Variants in CAPZA2 observed in about 807,000 individuals in gnomAD.
The protein encoded by CAPZA2 is capping actin protein of muscle Z-line subunit alpha 2, also known as F-actin-capping protein subunit alpha-2.
In CAPZA2, 13 loss-of-function variants were observed where a neutral mutation model predicts 44.0. The ratio of observed to expected loss-of-function variants is 0.30; its 90% CI spans 0.19 to 0.47. CAPZA2 has a LOEUF of 0.47. Ranked by LOEUF, CAPZA2 falls within the 20% of genes least tolerant of loss-of-function variation. The pLI, the probability that CAPZA2 is intolerant of heterozygous loss-of-function variation, is 1.00. For synonymous variants in CAPZA2, 94 were observed against 108.2 expected (o/e 0.87, Z 0.81); for missense variants, 244 against 338.6 (o/e 0.72, Z 2.19).
chr7:116,906,271 CA>C lies in CAPZA2; in HGVS notation c.442del (p.Ile148Ter). 2 of 1,611,532 alleles carry C rather than the reference CA, an allele frequency of 1.2e-6. No individual in the cohort carries two copies. On this transcript the variant is annotated frameshift_variant, in exon 6 of 10. Coordinates refer to ENST00000361183, the MANE Select transcript of CAPZA2 (RefSeq NM_006136.3). LOFTEE classifies it high-confidence loss of function. ...YPNGVCTVYG[K>X]KIDGQQTIIA... is the part of the protein sequence containing the mutation. ...TTTTCTTTGCCAATAAGGTGTATGG[CA>C]AAAAAATAGATGGACAGCAAACCAT...
At chr7:116,866,447 A>T (rs918000701) in intron 1 of CAPZA2, among the ~76,000 whole-genome samples, 2 of 152,240 alleles carry the variant, frequency 1.3e-5, no homozygotes. Context: ...CTGGGATTAC[A>T]GGCGTGAGCC....
At chr7:116,884,001 A>G (rs1796731280) in intron 1 of CAPZA2, among the ~76,000 whole-genome samples, 1 of 152,190 alleles carries the variant, frequency 6.6e-6, no homozygotes, top group Non-Finnish European at 1.5e-5. Context: ...GATAGTGATC[A>G]AGACTTCAGT....
chr7:116,912,936 A>G (rs138615430), intron 8 of CAPZA2, among the ~76,000 whole-genome samples: 4 of 152,272 alleles, frequency 2.6e-5, no homozygotes, highest in African/African-American at 7.2e-5. Flanking sequence ...GTTTTTCTGT[A>G]TCTTTTTCCA....
At chr7:116,870,830 G>A (rs539299441) in intron 1 of CAPZA2, among the ~76,000 whole-genome samples, 24 of 152,236 alleles carry the variant, frequency 1.6e-4, no homozygotes, top group Non-Finnish European at 3.4e-4. Flanking sequence ...GGGGAAAGGC[G>A]TGAGTCAGAG....
At chr7:116,886,660 ATGT>A (rs1354051052) in intron 1 of CAPZA2, among the ~76,000 whole-genome samples, 1 of 152,182 alleles carries the variant, frequency 6.6e-6, no homozygotes, top group Admixed American at 6.5e-5. Flanking sequence ...TCACCTGGAG[ATGT>A]TGTTTAAATG....
At chr7:116,899,004 C>T (rs1303699035) in intron 4 of CAPZA2, among the ~76,000 whole-genome samples, 169 bp downstream of exon 4, 1 of 151,978 alleles carries the variant, frequency 6.6e-6, no homozygotes, top group Non-Finnish European at 1.5e-5. Context: ...ACCAGTAATA[C>T]TATTAGCAGA....
At position 116,917,765 on chromosome 7, in the gene CAPZA2, T is replaced by C. The variant is rs772075206; in HGVS notation, c.759T>C (p.Thr253=). The C allele has an allele frequency of 6.2e-7, 1 of 1,607,956 alleles. No homozygotes were observed. Among genetic ancestry groups the C allele is most frequent in the South Asian group, 1.1e-5 (1 of 90,938 alleles). ...AGAATTATCAGACAATGTCGGACAC[T>C]ACTTTCAAAGCCTTACGTCGACAGT... ...ISENYQTMSD[T]TFKALRRQLP... Residue 253 remains threonine (T), a synonymous_variant, in exon 10 of 10, where the codon ACT becomes ACC. Coordinates refer to ENST00000361183, the MANE Select transcript of CAPZA2 (RefSeq NM_006136.3).
chr7:116,882,261 T>A (rs12533755), intron 1 of CAPZA2, among the ~76,000 whole-genome samples: 42,657 of 152,034 alleles, frequency 0.28, 6,238 homozygotes, highest in East Asian at 0.4. Flanking sequence ...TTTTGCTTGC[T>A]AGAATTACTG....
chr7:116,896,737 A>G (rs1479512477), intron 3 of CAPZA2, among the ~76,000 whole-genome samples: 2 of 152,176 alleles, frequency 1.3e-5, no homozygotes, highest in East Asian at 3.8e-4. Context: ...CGTGTCTAGT[A>G]GAATGCTTAG....
Position 116,920,881 on chromosome 7 carries a change from T to G in CAPZA2, c.*3014T>G, listed in dbSNP as rs573759088. 6.6e-6 allele frequency: 1 copy of G among 152,344 alleles called. No homozygotes were observed. The highest frequency in any genetic ancestry group is 2.1e-4 in the South Asian group (1 of 4,832). The allele number at this position is 152,344 out of a possible 1,614,324, so 9.4% of individuals were successfully genotyped here. On this transcript the variant is annotated 3_prime_UTR_variant, in exon 10 of 10. Coordinates refer to ENST00000361183, the MANE Select transcript of CAPZA2 (RefSeq NM_006136.3). ...GTGTAAAGCTGTTTGGGTGCAGGCATAGAGTAGATGAAATAAATTTCACCA... is the reference window on the plus strand; with the variant it reads ...GTGTAAAGCTGTTTGGGTGCAGGCAGAGAGTAGATGAAATAAATTTCACCA...
intron 8 of CAPZA2, 112 bp downstream of exon 8, chr7:116,912,252 A>T (rs1490923885): frequency 4.0e-6 from 6 of 1,484,372 alleles, no homozygotes; most frequent in African/African-American, 1.4e-5. Context: ...GTGTTTTCTG[A>T]TAGATTAAAG....
intron 1 of CAPZA2, among the ~76,000 whole-genome samples, chr7:116,886,891 A>T (rs932090777): frequency 6.6e-6 from 1 of 152,190 alleles, no homozygotes; most frequent in Admixed American, 6.5e-5. Context: ...CACATCATCT[A>T]CCCTCTCAGA....
chr7:116,868,208 C>T (rs1235702266), intron 1 of CAPZA2, among the ~76,000 whole-genome samples: 1 of 152,152 alleles, frequency 6.6e-6, no homozygotes, highest in African/African-American at 2.4e-5. Context: ...GTATTAAATA[C>T]AATTTTGCGT....
At chr7:116,902,867 G>A (rs1194919718) in intron 4 of CAPZA2, among the ~76,000 whole-genome samples, 3 of 151,976 alleles carry the variant, frequency 2.0e-5, no homozygotes, top group South Asian at 2.1e-4. Context: ...ATGCCACCAC[G>A]ACTGACTAAT....
chr7:116,913,707 A>G (rs894502260), intron 8 of CAPZA2, among the ~76,000 whole-genome samples: 2 of 150,494 alleles, frequency 1.3e-5, no homozygotes, highest in African/African-American at 4.9e-5. Flanking sequence ...GGCTCTAGCC[A>G]TTCTCCCAGT....
intron 1 of CAPZA2, among the ~76,000 whole-genome samples, chr7:116,867,306 G>T (rs562813091): frequency 6.6e-6 from 1 of 152,162 alleles, no homozygotes; most frequent in South Asian, 2.1e-4. Context: ...TGTTATATTT[G>T]CCACTGTTAG....
At chr7:116,877,000 G>C (rs1247559673) in intron 1 of CAPZA2, among the ~76,000 whole-genome samples, 1 of 152,182 alleles carries the variant, frequency 6.6e-6, no homozygotes, top group Non-Finnish European at 1.5e-5. Context: ...GGGACCCAAA[G>C]CTTGCTACTC....
intron 3 of CAPZA2, 80 bp downstream of exon 3, chr7:116,893,125 T>C: frequency 4.4e-6 from 4 of 918,114 alleles, no homozygotes; most frequent in Non-Finnish European, 4.9e-6. Flanking sequence ...TGGGGGTTTT[T>C]TGTGGGTTTT....
chr7:116,914,868 G>A (rs934107903), intron 8 of CAPZA2, among the ~76,000 whole-genome samples: 2 of 152,202 alleles, frequency 1.3e-5, no homozygotes, highest in Non-Finnish European at 2.9e-5. Flanking sequence ...ACTAATGTCT[G>A]ATTTTCCATG....
Sources: gnomAD v4.1 joint callset for allele counts (sites outside exome capture counted in the v4.1 genomes callset) on GRCh38, gnomAD v4.1.1 for gene constraint, MANE v1.5 for transcripts, NCBI Gene and HGNC (gene_info 2026-07-23, HGNC 2026-07-21) for gene names.